The following PGM5 variants were observed in gnomAD, a reference collection of about 807,000 sequenced individuals.
PGM5 encodes the protein phosphoglucomutase-like protein 5.
PGM5 carries 23 observed loss-of-function variants against 59.2 expected under a neutral mutation model. The ratio of observed to expected loss-of-function variants is 0.39; its 90% CI spans 0.28 to 0.55. PGM5 has a LOEUF of 0.55. PGM5 is among the 20% of genes least tolerant of loss of function. PGM5 has a pLI of 0.66. For missense variants in PGM5, 574 were observed against 748.3 expected (o/e 0.77, Z 2.72); for synonymous variants, 214 against 286.0 (o/e 0.75, Z 2.54).
chr9:68,403,156 C>T lies in PGM5; in HGVS notation c.1043+10683C>T, dbSNP rs1158154258. Among the ~76,000 whole-genome samples the T allele has an allele frequency of 9.9e-5, 15 of 152,270 alleles. No individual in the cohort carries two copies. The South Asian group carries it at 1.4e-3, about 15-fold the overall frequency. Reference sequence around the variant, plus strand: ...GCATGAGTGCCACCTCCTGTCAGATCGGTGGCAGCATTAGATTCTCATAGG... The same window carrying T: ...GCATGAGTGCCACCTCCTGTCAGATTGGTGGCAGCATTAGATTCTCATAGG... On this transcript the variant is annotated intron_variant, in intron 6 of 10. Coordinates refer to ENST00000396396, the MANE Select transcript of PGM5 (RefSeq NM_021965.4).
chr9:68,402,123 G>A (rs1336987650), intron 6 of PGM5, among the ~76,000 whole-genome samples: 1 of 152,106 alleles, frequency 6.6e-6, no homozygotes, highest in African/African-American at 2.4e-5. Flanking sequence ...AATTAGCTGG[G>A]TGTGGTGGCG....
chr9:68,446,477 C>T (rs147706007), intron 6 of PGM5, among the ~76,000 whole-genome samples: 1 of 152,348 alleles, frequency 6.6e-6, no homozygotes, highest in Non-Finnish European at 1.5e-5. Flanking sequence ...TTGTAGAGGA[C>T]TGATCCCCTA....
Position 68,357,138 on chromosome 9 carries a change from G to A in PGM5, c.11G>A (p.Ser4Asn). The change falls in exon 1 of 11, where the codon AGC becomes AAC. Residue 4 changes from serine (S) to asparagine (N), a missense_variant. By Grantham distance (46) the Ser-to-Asn change is conservative. Around this residue, in one of 7 missense-constraint regions of PGM5, gnomAD observed 60 missense variants for 71.0 expected, o/e 0.85. Transcript: ENST00000396396. MEG[S>N]PIPVLTVPTA... ...CGGCCAGGAGGCGCCATGGAGGGGA[G>A]CCCCATCCCGGTGCTGACAGTGCCC... The A allele has an allele frequency of 1.3e-6, 2 of 1,528,368 alleles. No individual in the cohort carries two copies. The highest frequency in any genetic ancestry group is 1.8e-6 in the Non-Finnish European group (2 of 1,142,460). 94.7% of individuals were successfully genotyped at this position (1,528,368 alleles called of 1,614,324 possible). A position where few individuals can be genotyped will look rare whatever the true frequency, so the allele number is the denominator to read the frequency against.
intron 10 of PGM5, among the ~76,000 whole-genome samples, chr9:68,503,757 T>C (rs1204120511): frequency 6.6e-6 from 1 of 152,218 alleles, no homozygotes; most frequent in Non-Finnish European, 1.5e-5. Flanking sequence ...CCAGGCAGGC[T>C]GCACATCAGA....
chr9:68,445,107 G>A (rs1823590855), intron 6 of PGM5, among the ~76,000 whole-genome samples: 1 of 151,690 alleles, frequency 6.6e-6, no homozygotes, highest in Non-Finnish European at 1.5e-5. Context: ...TCTTAGCTGA[G>A]TATAAAACTG....
At chr9:68,466,326 T>C in intron 7 of PGM5, 1 of 442,826 alleles carries the variant, frequency 2.3e-6, no homozygotes, top group South Asian at 3.2e-5. Flanking sequence ...TTTTTAGTTC[T>C]CTGAAATTCC....
chr9:68,409,045 A>C (rs1378584175), intron 6 of PGM5, among the ~76,000 whole-genome samples: 5 of 152,106 alleles, frequency 3.3e-5, no homozygotes, highest in East Asian at 1.9e-4. Flanking sequence ...CTTAGGATTG[A>C]CTTGGCGATG....
intron 6 of PGM5, among the ~76,000 whole-genome samples, chr9:68,416,223 A>C (rs1165554292): frequency 2.6e-5 from 4 of 152,236 alleles, no homozygotes; most frequent in Admixed American, 2.0e-4. Flanking sequence ...TACTAGGTGA[A>C]GTGCTTTGAG....
chr9:68,485,564 T>C (rs1824281796), intron 9 of PGM5, among the ~76,000 whole-genome samples: 1 of 152,160 alleles, frequency 6.6e-6, no homozygotes, highest in Non-Finnish European at 1.5e-5. Context: ...CTTCCACCAT[T>C]ATTGTGAGTC....
At chr9:68,452,065 G>T (rs1823705402) in intron 6 of PGM5, among the ~76,000 whole-genome samples, 1 of 152,224 alleles carries the variant, frequency 6.6e-6, no homozygotes, top group South Asian at 2.1e-4. Context: ...GCCTGACAGA[G>T]AGAGAGGTAT....
intron 6 of PGM5, among the ~76,000 whole-genome samples, chr9:68,447,035 G>A (rs1439562526): frequency 6.6e-6 from 1 of 152,154 alleles, no homozygotes; most frequent in African/African-American, 2.4e-5. Context: ...TTAAGGGAAC[G>A]TGGTGCGTGC....
At chr9:68,492,350 A>G (rs1452876047) in intron 9 of PGM5, among the ~76,000 whole-genome samples, 1 of 152,200 alleles carries the variant, frequency 6.6e-6, no homozygotes, top group Non-Finnish European at 1.5e-5. Context: ...AATAGCTTTC[A>G]AGTCTTCGCC....
At chr9:68,376,034 A>T (rs557138906) in intron 1 of PGM5, among the ~76,000 whole-genome samples, 1 of 152,326 alleles carries the variant, frequency 6.6e-6, no homozygotes, top group Non-Finnish European at 1.5e-5. Flanking sequence ...TACATGATGG[A>T]GGTCAGATTA....
chr9:68,359,135 T>G (rs1834527872), intron 1 of PGM5, among the ~76,000 whole-genome samples: 2 of 147,710 alleles, frequency 1.4e-5, no homozygotes, highest in African/African-American at 5.0e-5. Context: ...CATGGGAAAA[T>G]TATTATGTCT....
intron 1 of PGM5, chr9:68,357,922 C>A: frequency 2.0e-5 from 1 of 50,596 alleles, no homozygotes; most frequent in Non-Finnish European, 4.3e-5. Context: ...AACACACACA[C>A]ACACACACAC....
At chr9:68,392,664 T>A (rs1822396081) in intron 6 of PGM5, among the ~76,000 whole-genome samples, 191 bp downstream of exon 6, 1 of 152,166 alleles carries the variant, frequency 6.6e-6, no homozygotes, top group African/African-American at 2.4e-5. Context: ...TTCTGCCACT[T>A]ACTAGCTGTG....
intron 9 of PGM5, among the ~76,000 whole-genome samples, chr9:68,485,435 G>A (rs563476232): frequency 3.3e-5 from 5 of 152,066 alleles, no homozygotes; most frequent in Non-Finnish European, 7.4e-5. Context: ...GGTTTTTCCT[G>A]TGCAGTCTTG....
At chr9:68,479,381 A>C (rs942663442) in intron 7 of PGM5, 37 bp from the exon 8 acceptor site, 13 of 1,579,434 alleles carry the variant, frequency 8.2e-6, no homozygotes, top group Non-Finnish European at 1.0e-5. Context: ...TTGCTCCCAC[A>C]AATGAATGCT....
chr9:68,501,648 C>T (rs1455765070), intron 10 of PGM5, among the ~76,000 whole-genome samples: 1 of 152,222 alleles, frequency 6.6e-6, no homozygotes, highest in Non-Finnish European at 1.5e-5. Flanking sequence ...AAAAGAACCC[C>T]TTCCACCTTC....
Sources: gnomAD v4.1 joint callset for allele counts (sites outside exome capture counted in the v4.1 genomes callset) on GRCh38, gnomAD v4.1.1 for gene constraint, gnomAD v4.1.1 regional missense constraint, MANE v1.5 for transcripts, NCBI Gene and HGNC (gene_info 2026-07-23, HGNC 2026-07-21) for gene names.